Variants in RPH3A observed in about 807,000 individuals in gnomAD.
The protein encoded by RPH3A is rabphilin 3A, also known as rabphilin-3A.
Under a neutral mutation model 102.2 loss-of-function variants are expected in RPH3A, and 48 were observed. The ratio of observed to expected loss-of-function variants is 0.47; its 90% CI spans 0.37 to 0.60. The LOEUF (loss-of-function observed/expected upper bound fraction) is 0.60, where lower values mean the gene tolerates loss of function less well. Ranked by LOEUF, RPH3A falls within the 20% of genes least tolerant of loss-of-function variation. The probability of loss-of-function intolerance (pLI) is 0.00; values close to 1 mark genes in which losing one functional copy is unlikely to be tolerated. For missense variants in RPH3A, 781 were observed against 910.1 expected (o/e 0.86, Z 1.83); for synonymous variants, 310 against 324.3 (o/e 0.96, Z 0.47).
intron 1 of RPH3A, among the ~76,000 whole-genome samples, chr12:112,775,340 C>T (rs1182401444): frequency 1.3e-5 from 2 of 152,066 alleles, no homozygotes; most frequent in Non-Finnish European, 2.9e-5. Context: ...TGCTAAGGAT[C>T]CATTCATCCA....
intron 1 of RPH3A, among the ~76,000 whole-genome samples, chr12:112,779,274 C>T (rs577549751): frequency 2.0e-5 from 3 of 152,246 alleles, no homozygotes; most frequent in East Asian, 1.9e-4. Context: ...AGCAAGGTGT[C>T]GAGGAGTCCT....
At chr12:112,782,215 C>T (rs1457548889) in intron 1 of RPH3A, among the ~76,000 whole-genome samples, 1 of 152,230 alleles carries the variant, frequency 6.6e-6, no homozygotes, top group Non-Finnish European at 1.5e-5. Context: ...AGCTAAGCCC[C>T]TGCTTGATTA....
intron 1 of RPH3A, among the ~76,000 whole-genome samples, chr12:112,602,186 G>T (rs1467014061): frequency 6.6e-6 from 1 of 152,082 alleles, no homozygotes; most frequent in Non-Finnish European, 1.5e-5. Flanking sequence ...TTAAAAACTT[G>T]CAACTCAGCC....
intron 1 of RPH3A, among the ~76,000 whole-genome samples, chr12:112,606,986 A>G (rs2094305968): frequency 6.6e-6 from 1 of 152,218 alleles, no homozygotes; most frequent in Admixed American, 6.5e-5. Context: ...TCGTATCTGT[A>G]AAATGGGGAT....
chr12:112,680,178 G>A (rs1054786823), intron 1 of RPH3A, among the ~76,000 whole-genome samples: 4 of 152,184 alleles, frequency 2.6e-5, no homozygotes, highest in African/African-American at 9.7e-5. Context: ...GGGCTGGATT[G>A]TGCAAGACCT....
chr12:112,694,388 G>A (rs2040329792), intron 1 of RPH3A, among the ~76,000 whole-genome samples: 1 of 152,030 alleles, frequency 6.6e-6, no homozygotes, highest in Admixed American at 6.5e-5. Flanking sequence ...TCCGGCAAGT[G>A]CCCCACACCT....
At chr12:112,885,721 T>C (rs887739926) in intron 16 of RPH3A, among the ~76,000 whole-genome samples, 1 of 152,162 alleles carries the variant, frequency 6.6e-6, no homozygotes, top group African/African-American at 2.4e-5. Flanking sequence ...ATAAATGTCT[T>C]TTTTAATCAC....
intron 4 of RPH3A, among the ~76,000 whole-genome samples, chr12:112,841,312 G>T (rs924830502): frequency 1.3e-5 from 2 of 152,028 alleles, no homozygotes; most frequent in Admixed American, 1.3e-4. Flanking sequence ...AGGGGGGCAG[G>T]GGGTCTGGAA....
upstream of RPH3A, among the ~76,000 whole-genome samples, chr12:112,788,709 C>A (rs537415090): frequency 6.6e-6 from 1 of 152,286 alleles, no homozygotes; most frequent in Non-Finnish European, 1.5e-5. Flanking sequence ...TCATGAGAGG[C>A]CCTCCCAGAA....
intron 1 of RPH3A, among the ~76,000 whole-genome samples, chr12:112,736,456 C>T (rs1349692835): frequency 6.6e-6 from 1 of 152,222 alleles, no homozygotes; most frequent in African/African-American, 2.4e-5. Flanking sequence ...TTGTCTTCTT[C>T]AGCATCTTGC....
At chr12:112,831,878 G>A (rs1317717596) in intron 3 of RPH3A, 2 of 455,058 alleles carry the variant, frequency 4.4e-6, no homozygotes, top group Admixed American at 2.4e-5. Flanking sequence ...TTGATGTTCT[G>A]TAGTATGATG....
chr12:112,702,433 G>T (rs2040400424), intron 1 of RPH3A, among the ~76,000 whole-genome samples: 1 of 152,192 alleles, frequency 6.6e-6, no homozygotes, highest in Non-Finnish European at 1.5e-5. Flanking sequence ...CTTTTGCCTG[G>T]ATGGTCTGGT....
Position 112,733,434 on chromosome 12 carries a change from C to T in RPH3A, c.-139-58709C>T, listed in dbSNP as rs181239796. On this transcript the variant is annotated intron_variant, in intron 1 of 21. Coordinates refer to the RPH3A transcript ENST00000543106. The stretch of plus-strand genomic sequence containing the variant: ...GCAAGAGGCTTACTGGGGGTTAATG[C>T]CTGTGAAAGATAAAGGGGTTGAAGC... 1.0e-3 allele frequency among the ~76,000 whole-genome samples: 157 copies of T among 152,186 alleles called. 2 individuals carry two copies. The highest frequency in any genetic ancestry group is 3.6e-3 in the African/African-American group (150 of 41,508).
In RPH3A at chr12:112,897,843, T is replaced by C. The variant is rs143495046; in HGVS notation, c.*1063T>C. On this transcript the variant is annotated 3_prime_UTR_variant, in exon 22 of 22. Transcript: ENST00000389385. ...TCCCTCAAGCTGTGTAGATGCCCCA[T>C]AGAGGACTCTCTCATCCGTGGGCTC... The C allele has an allele frequency of 1.3e-5, 2 of 151,710 alleles. No homozygotes were observed. The highest frequency in any genetic ancestry group is 4.8e-5 in the African/African-American group (2 of 41,288). The allele number at this position is 151,710 out of a possible 1,614,324, so 9.4% of individuals were successfully genotyped here.
intron 1 of RPH3A, among the ~76,000 whole-genome samples, chr12:112,689,341 T>G (rs987779838): frequency 9.2e-5 from 14 of 152,162 alleles, no homozygotes; most frequent in Admixed American, 7.2e-4. Flanking sequence ...CTGCCATATC[T>G]TCAGATTTTT....
intron 2 of RPH3A, among the ~76,000 whole-genome samples, chr12:112,794,095 C>T (rs2041180285): frequency 6.6e-6 from 1 of 152,226 alleles, no homozygotes; most frequent in Non-Finnish European, 1.5e-5. Flanking sequence ...AGGCCGCCCT[C>T]CCTCCTCCCC....
intron 1 of RPH3A, among the ~76,000 whole-genome samples, chr12:112,784,878 C>T (rs2041034936): frequency 6.6e-6 from 1 of 152,270 alleles, no homozygotes; most frequent in Non-Finnish European, 1.5e-5. Context: ...TTCTTTTGGC[C>T]TAAGATTGTG....
intron 1 of RPH3A, among the ~76,000 whole-genome samples, chr12:112,759,438 G>A (rs927119713): frequency 7.2e-5 from 11 of 152,078 alleles, no homozygotes; most frequent in East Asian, 1.9e-4. Context: ...GGACTGATCC[G>A]CCACTCAGAA....
At chr12:112,752,617 G>T (rs1169938970) in intron 1 of RPH3A, among the ~76,000 whole-genome samples, 4 of 145,060 alleles carry the variant, frequency 2.8e-5, no homozygotes, top group African/African-American at 5.1e-5. Context: ...TTTTTGAGAA[G>T]GCAAGTCTCA....
Sources: gnomAD v4.1 joint callset for allele counts (sites outside exome capture counted in the v4.1 genomes callset) on GRCh38, gnomAD v4.1.1 for gene constraint, MANE v1.5 for transcripts, NCBI Gene and HGNC (gene_info 2026-07-23, HGNC 2026-07-21) for gene names.